OTUD7A: variants seen among roughly 807,000 people sequenced by gnomAD.
OTUD7A encodes the protein OTU deubiquitinase 7A.
A neutral mutation model predicts 65.7 loss-of-function variants in OTUD7A; 12 were observed. That is an observed-to-expected ratio of 0.18 (90% confidence interval 0.12 to 0.30). OTUD7A has a LOEUF of 0.30. Ranked by LOEUF, OTUD7A falls within the 10% of genes least tolerant of loss-of-function variation. The pLI is 1.00. For synonymous variants in OTUD7A, 641 were observed against 586.3 expected (o/e 1.09, Z -1.35); for missense variants, 1,148 against 1,304.8 (o/e 0.88, Z 1.85).
intron 3 of OTUD7A, among the ~76,000 whole-genome samples, chr15:31,582,129 G>A (rs149661528): frequency 4.2e-4 from 64 of 152,260 alleles, no homozygotes; most frequent in African/African-American, 1.4e-3. Flanking sequence ...TCTAGTGCAC[G>A]GGCAAAAAGC....
chr15:31,630,341 C>T (rs933472537), intron 3 of OTUD7A, among the ~76,000 whole-genome samples: 136 of 151,798 alleles, frequency 9.0e-4, no homozygotes, highest in African/African-American at 3.1e-3. Context: ...GCCTTCATTT[C>T]GTGATGTACC....
chr15:31,766,257 G>T, intron 1 of OTUD7A: 2 of 1,586,498 alleles, frequency 1.3e-6, no homozygotes, highest in Non-Finnish European at 1.7e-6. Context: ...CAGTGATCTC[G>T]CACCCATTGC....
At chr15:31,756,993 G>A (rs142068921) in intron 1 of OTUD7A, among the ~76,000 whole-genome samples, 24 of 152,264 alleles carry the variant, frequency 1.6e-4, no homozygotes, top group African/African-American at 5.1e-4. Context: ...GATCTCTCCT[G>A]TCTCCTCGGA....
chr15:31,697,142 A>C, intron 1 of OTUD7A, among the ~76,000 whole-genome samples: 1 of 103,206 alleles, frequency 9.7e-6, no homozygotes, highest in African/African-American at 2.8e-5. Context: ...CACAACCAAC[A>C]TTGCATTTGA....
chr15:31,547,319 C>T (rs1888163191), intron 5 of OTUD7A, among the ~76,000 whole-genome samples: 1 of 152,190 alleles, frequency 6.6e-6, no homozygotes, highest in Non-Finnish European at 1.5e-5. Flanking sequence ...AAAACTGTGA[C>T]TACATATTGT....
chr15:31,588,143 G>C (rs528426657), intron 3 of OTUD7A, among the ~76,000 whole-genome samples: 2 of 152,200 alleles, frequency 1.3e-5, no homozygotes. Context: ...ATCAAAAGTA[G>C]AATGAACAAA....
chr15:31,760,323 A>C (rs1894926798), intron 1 of OTUD7A, among the ~76,000 whole-genome samples: 1 of 152,136 alleles, frequency 6.6e-6, no homozygotes, highest in African/African-American at 2.4e-5. Context: ...TCTATATGAG[A>C]TGTTTTTAAG....
intron 1 of OTUD7A, among the ~76,000 whole-genome samples, chr15:31,802,123 G>GTATA (rs1178403106): frequency 7.4e-6 from 1 of 135,282 alleles, no homozygotes; most frequent in African/African-American, 2.7e-5. Flanking sequence ...GTGTGTGTGT[G>GTATA]TGTGTGTGTG....
intron 1 of OTUD7A, chr15:31,768,240 G>T: frequency 2.3e-6 from 2 of 883,470 alleles, no homozygotes; most frequent in Non-Finnish European, 3.9e-6. Flanking sequence ...GGCAGTGTAG[G>T]TGACACTCAA....
At chr15:31,690,774 A>G (rs1892943317) in intron 1 of OTUD7A, among the ~76,000 whole-genome samples, 1 of 152,340 alleles carries the variant, frequency 6.6e-6, no homozygotes, top group African/African-American at 2.4e-5. Flanking sequence ...GTATGCAAAA[A>G]TTAACTAAAA....
chr15:31,512,374 T>C (rs866598534), intron 8 of OTUD7A, among the ~76,000 whole-genome samples: 23 of 152,332 alleles, frequency 1.5e-4, no homozygotes, highest in Middle Eastern at 3.4e-3. Flanking sequence ...TGTATCCCCA[T>C]ACGGGTCACC....
intron 1 of OTUD7A, among the ~76,000 whole-genome samples, chr15:31,739,852 T>G (rs116652078): frequency 1.4e-3 from 212 of 152,342 alleles, no homozygotes; most frequent in African/African-American, 4.9e-3. Context: ...GATTAAAGGC[T>G]GAACCACTGC....
At chr15:31,640,536 T>C (rs1891480857) in intron 3 of OTUD7A, among the ~76,000 whole-genome samples, 1 of 152,250 alleles carries the variant, frequency 6.6e-6, no homozygotes, top group Admixed American at 6.5e-5. Context: ...GAGTGAGATG[T>C]AAACCAAAGT....
At chr15:31,841,840 T>G (rs1388322110) in intron 1 of OTUD7A, among the ~76,000 whole-genome samples, 2 of 152,190 alleles carry the variant, frequency 1.3e-5, no homozygotes, top group African/African-American at 2.4e-5. Flanking sequence ...GAATATGTCC[T>G]ATGCTGAAGA....
intron 8 of OTUD7A, among the ~76,000 whole-genome samples, chr15:31,524,675 C>T (rs1038882924): frequency 1.3e-5 from 2 of 152,180 alleles, no homozygotes; most frequent in East Asian, 1.9e-4. Flanking sequence ...GGCCATTCCC[C>T]GGGTTCTTCC....
At position 31,482,099 on chromosome 15, in the gene OTUD7A, A is replaced by G. The variant is rs1269954852; in HGVS notation, c.*1195T>C. On this transcript the variant is annotated 3_prime_UTR_variant, in exon 13 of 13. Transcript: ENST00000307050. ...TGCATATTGCTGCTCAAAACAGGGT[A>G]GCTAAGGACACATTTTTTTTTTCCT... 1.3e-5 allele frequency: 2 copies of G among 152,224 alleles called. No homozygotes were observed. Among genetic ancestry groups the G allele is most frequent in the Non-Finnish European group, 2.9e-5 (2 of 68,036 alleles). The allele number at this position is 152,224 out of a possible 1,614,324, so 9.4% of individuals were successfully genotyped here.
chr15:31,830,713 T>C (rs1324433980), intron 1 of OTUD7A, among the ~76,000 whole-genome samples: 3 of 152,212 alleles, frequency 2.0e-5, no homozygotes, highest in Non-Finnish European at 4.4e-5. Flanking sequence ...GTTTCCAGAA[T>C]CCAGTATGAA....
In OTUD7A at chr15:31,723,341, C is replaced by T. The variant is rs367831591; in HGVS notation, c.-99-66264G>A. ...TGCTACATGGGGCACAATTGCCCTG[C>T]CGCCTTCTGAAAGTATATGTACCAC... On this transcript the variant is annotated intron_variant, in intron 1 of 12. Coordinates refer to ENST00000307050, the MANE Select transcript of OTUD7A (RefSeq NM_001382637.1). Among the ~76,000 whole-genome samples, 8 of 151,492 alleles carry T rather than the reference C, an allele frequency of 5.3e-5. No homozygotes were observed. The East Asian group carries it at 1.6e-3, about 30-fold the overall frequency.
intron 3 of OTUD7A, among the ~76,000 whole-genome samples, chr15:31,571,926 A>AG (rs1160485980): frequency 1.3e-5 from 2 of 152,122 alleles, no homozygotes; most frequent in African/African-American, 4.8e-5. Flanking sequence ...GCACCCTGGG[A>AG]CACTCTATGG....
Sources: allele counts gnomAD v4.1 joint callset (sites outside exome capture counted in the v4.1 genomes callset), GRCh38; gene constraint gnomAD v4.1.1; transcripts MANE v1.5; gene names NCBI Gene and HGNC (gene_info 2026-07-23, HGNC 2026-07-21).